Variants in KCNN2 observed in about 807,000 individuals in gnomAD.
KCNN2 encodes the protein potassium calcium-activated channel subfamily N member 2.
In KCNN2, 24 loss-of-function variants were observed where a neutral mutation model predicts 55.5. That is an observed-to-expected ratio of 0.43 (90% CI 0.31 to 0.61). The LOEUF is 0.61. Among genes scored for constraint, KCNN2 ranks in the 20% least tolerant of loss-of-function variants. The probability of loss-of-function intolerance (pLI) is 0.08; values close to 1 mark genes in which losing one functional copy is unlikely to be tolerated. For missense variants in KCNN2, 754 were observed against 853.6 expected (o/e 0.88, Z 1.45); for synonymous variants, 431 against 336.1 (o/e 1.28, Z -3.09).
intron 1 of KCNN2, among the ~76,000 whole-genome samples, chr5:114,145,311 AAC>A (rs1414314725): frequency 6.6e-6 from 1 of 152,240 alleles, no homozygotes; most frequent in Non-Finnish European, 1.5e-5. Flanking sequence ...AGAATTAAAT[AAC>A]ACAGTTCCTT....
chr5:114,438,569 C>T (rs550496227), intron 3 of KCNN2, among the ~76,000 whole-genome samples: 1 of 152,188 alleles, frequency 6.6e-6, no homozygotes, highest in South Asian at 2.1e-4. Context: ...ATAATGTTCC[C>T]AGGGGTAGTT....
intron 1 of KCNN2, among the ~76,000 whole-genome samples, chr5:114,174,343 T>C (rs1418960121): frequency 6.6e-6 from 1 of 152,124 alleles, no homozygotes; most frequent in African/African-American, 2.4e-5. Context: ...GCTTTCTGAC[T>C]AAGCAGTGAC....
chr5:114,473,002 G>A, intron 4 of KCNN2, 52 bp from the exon 5 acceptor site: 1 of 1,075,648 alleles, frequency 9.3e-7, no homozygotes, highest in Non-Finnish European at 1.4e-6. Flanking sequence ...ATGTGTCTGA[G>A]ACAGAAAGTA....
rs183221930 is a variant in KCNN2, at chr5:114,097,518, A to G, written c.-271+41018A>G. Among the ~76,000 whole-genome samples the G allele has an allele frequency of 4.7e-4, 72 of 152,252 alleles. No individual in the cohort carries two copies. In the East Asian group the frequency reaches 0.013, roughly 27 times the overall value. ...AAGACAGTAGTAGGTTTCATTCACT[A>G]TAGCTTGTTCCCCTGGCTGAGTGTC... On this transcript the variant is annotated intron_variant, in intron 1 of 10. Transcript: ENST00000512097.
chr5:114,191,857 A>C (rs969887010), intron 1 of KCNN2, among the ~76,000 whole-genome samples: 2 of 152,210 alleles, frequency 1.3e-5, no homozygotes, highest in Non-Finnish European at 2.9e-5. Context: ...CCTTTGAGCC[A>C]TTCACCATGA....
rs1303412189 is a variant in KCNN2, at chr5:114,241,731, TAC to T, written c.-185+20168_-185+20169del. Among the ~76,000 whole-genome samples, 228 of 72,868 alleles carry T rather than the reference TAC, an allele frequency of 3.1e-3. 11 individuals are homozygous for T. Among genetic ancestry groups the T allele is most frequent in the African/African-American group, 0.013 (209 of 15,618 alleles). The allele number at this position is 72,868 out of a possible 152,430, so 47.8% of individuals were successfully genotyped here. A position where few individuals can be genotyped will look rare whatever the true frequency, so the allele number is the denominator to read the frequency against. ...ATATATATATATATACGTATATATA[TAC>T]ATATATACGTATATATATGTATATA... On this transcript the variant is annotated intron_variant, in intron 2 of 10. Coordinates refer to the KCNN2 transcript ENST00000512097.
chr5:114,328,473 T>C (rs1265703363), intron 2 of KCNN2, among the ~76,000 whole-genome samples: 1 of 152,182 alleles, frequency 6.6e-6, no homozygotes, highest in Non-Finnish European at 1.5e-5. Context: ...TTGCTAAATG[T>C]GCAGGAAAGC....
intron 2 of KCNN2, among the ~76,000 whole-genome samples, chr5:114,270,205 G>T (rs906362065): frequency 1.3e-5 from 2 of 152,188 alleles, no homozygotes; most frequent in Admixed American, 1.3e-4. Context: ...TATTCAAATT[G>T]TGAGGCGCTT....
At chr5:114,080,513 G>A (rs959352702) in intron 1 of KCNN2, among the ~76,000 whole-genome samples, 1 of 152,058 alleles carries the variant, frequency 6.6e-6, no homozygotes, top group Non-Finnish European at 1.5e-5. Flanking sequence ...TTTCCTGTAA[G>A]TTTTGAATTT....
chr5:114,386,938 A>G (rs77566568), intron 2 of KCNN2, among the ~76,000 whole-genome samples: 6,043 of 152,226 alleles, frequency 0.04, 187 homozygotes, highest in Middle Eastern at 0.1. Flanking sequence ...TCTTCATCCT[A>G]CCTTTAGGAT....
Position 114,200,065 on chromosome 5 carries a change from A to G in KCNN2, c.-270-21415A>G, listed in dbSNP as rs1015820219. 2.6e-5 allele frequency among the ~76,000 whole-genome samples: 4 copies of G among 152,230 alleles called. No homozygotes were observed. In the East Asian group the frequency reaches 5.8e-4, roughly 22 times the overall value. On this transcript the variant is annotated intron_variant, in intron 1 of 10. Transcript: ENST00000512097. ...TCTTGATGTCTAACTCTCTTGATAG[A>G]CAGGGAATTTTCATTGATTATTTTT...
At chr5:114,142,843 T>C (rs891725063) in intron 1 of KCNN2, among the ~76,000 whole-genome samples, 9 of 152,192 alleles carry the variant, frequency 5.9e-5, no homozygotes, top group African/African-American at 2.2e-4. Flanking sequence ...AATGACTTTC[T>C]TCACAGAATT....
intron 1 of KCNN2, among the ~76,000 whole-genome samples, chr5:114,071,863 T>C (rs1750575902): frequency 6.6e-6 from 1 of 152,258 alleles, no homozygotes; most frequent in East Asian, 1.9e-4. Flanking sequence ...GTTGCAAACT[T>C]AATTGCCAAT....
chr5:114,458,030 T>A (rs1243246349), intron 3 of KCNN2, among the ~76,000 whole-genome samples: 1 of 152,214 alleles, frequency 6.6e-6, no homozygotes, highest in Non-Finnish European at 1.5e-5. Flanking sequence ...AAGAATGTGT[T>A]GTTTCTTCTT....
intron 2 of KCNN2, among the ~76,000 whole-genome samples, chr5:114,402,102 A>T (rs1017522368): frequency 2.0e-5 from 3 of 152,224 alleles, no homozygotes; most frequent in African/African-American, 7.2e-5. Context: ...TCCAGACCAT[A>T]CCAAGTAGGG....
At chr5:114,148,072 T>C (rs1285505895) in intron 1 of KCNN2, among the ~76,000 whole-genome samples, 1 of 152,220 alleles carries the variant, frequency 6.6e-6, no homozygotes. Flanking sequence ...ATAGTAGGAC[T>C]GTTAATCATT....
In KCNN2 at chr5:114,230,115, G is replaced by C. The variant is rs150184284; in HGVS notation, c.-185+8550G>C. On this transcript the variant is annotated intron_variant, in intron 2 of 10. Coordinates refer to the KCNN2 transcript ENST00000512097. ...GTATTATTTCTTTTGAGATATATTA[G>C]TAATTAATTTTGTCCTTTAAATGTA... Among the ~76,000 whole-genome samples the C allele has an allele frequency of 6.2e-4, 95 of 152,184 alleles. 2 individuals are homozygous for C. The East Asian group carries it at 0.016, about 25-fold the overall frequency.
At chr5:114,104,636 A>G (rs1175079436) in intron 1 of KCNN2, among the ~76,000 whole-genome samples, 3 of 152,080 alleles carry the variant, frequency 2.0e-5, no homozygotes, top group Non-Finnish European at 2.9e-5. Context: ...ACTTCTCATT[A>G]TAGAAAAGAA....
At chr5:114,114,407 A>T (rs1751672001) in intron 1 of KCNN2, among the ~76,000 whole-genome samples, 1 of 151,958 alleles carries the variant, frequency 6.6e-6, no homozygotes, top group Non-Finnish European at 1.5e-5. Context: ...TTTTAAATTT[A>T]TTTTTATTTT....
Sources: gnomAD v4.1 joint callset for allele counts (sites outside exome capture counted in the v4.1 genomes callset) on GRCh38, gnomAD v4.1.1 for gene constraint, MANE v1.5 for transcripts, NCBI Gene and HGNC (gene_info 2026-07-23, HGNC 2026-07-21) for gene names.